The following LINGO2 variants were observed in gnomAD, a reference collection of about 807,000 sequenced individuals.
LINGO2 encodes leucine-rich repeat and immunoglobulin-like domain-containing nogo receptor-interacting protein 2.
LINGO2 carries 14 observed loss-of-function variants against 30.6 expected under a neutral mutation model. The observed-to-expected ratio is 0.46, with a 90% CI of 0.30 to 0.72. The LOEUF is 0.72. Among genes scored for constraint, LINGO2 ranks in the 30% least tolerant of loss-of-function variants. The probability of loss-of-function intolerance (pLI) is 0.07; values close to 1 mark genes in which losing one functional copy is unlikely to be tolerated. For synonymous variants in LINGO2, 317 were observed against 288.5 expected, an observed-to-expected ratio of 1.10 and a Z score of -1.00; for missense variants, 729 against 751.7, an observed-to-expected ratio of 0.97 and a Z score of 0.35.
the LINGO2 span, among the ~76,000 whole-genome samples, chr9:29,061,886 G>T: frequency 0.16 from 24,128 of 151,892 alleles, 2,109 homozygotes; most frequent in South Asian, 0.2. Flanking sequence ...GAATGAAAAG[G>T]TAACCAAAGA....
chr9:27,952,665 T>C (rs1033938231), intron 5 of LINGO2, among the ~76,000 whole-genome samples: 4 of 152,090 alleles, frequency 2.6e-5, no homozygotes, highest in African/African-American at 4.8e-5. Context: ...GGCGGCATTT[T>C]AAATCAGTGA....
chr9:28,057,504 T>C (rs1193797075), intron 4 of LINGO2, among the ~76,000 whole-genome samples: 1 of 150,266 alleles, frequency 6.7e-6, no homozygotes, highest in African/African-American at 2.4e-5. Context: ...CAGTTGTGAA[T>C]GTATGCATAT....
chr9:28,715,784 TGAA>T, the LINGO2 span, among the ~76,000 whole-genome samples: 1 of 152,172 alleles, frequency 6.6e-6, no homozygotes, highest in African/African-American at 2.4e-5. Context: ...TGGCAGGAGT[TGAA>T]GAATAACTTA....
At chr9:29,088,759 T>C in the LINGO2 span, among the ~76,000 whole-genome samples, 1 of 151,916 alleles carries the variant, frequency 6.6e-6, no homozygotes, top group Non-Finnish European at 1.5e-5. Flanking sequence ...TGCATTTATC[T>C]GAAAAAATTA....
intron 2 of LINGO2, among the ~76,000 whole-genome samples, chr9:28,384,392 T>C (rs1255498148): frequency 6.6e-6 from 1 of 150,560 alleles, no homozygotes; most frequent in Non-Finnish European, 1.5e-5. Flanking sequence ...AAGGTAATAA[T>C]GTTGTATGTA....
upstream of LINGO2, among the ~76,000 whole-genome samples, chr9:28,672,455 T>G (rs1588053876): frequency 6.6e-6 from 1 of 152,188 alleles, no homozygotes; most frequent in East Asian, 1.9e-4. Flanking sequence ...CACTTTCATA[T>G]GCATATCTCA....
intron 1 of LINGO2, among the ~76,000 whole-genome samples, chr9:28,531,805 C>G (rs556125210): frequency 6.6e-6 from 1 of 152,060 alleles, no homozygotes; most frequent in Non-Finnish European, 1.5e-5. Context: ...TAGTTCAGAT[C>G]CTCAAGGGTG....
the LINGO2 span, among the ~76,000 whole-genome samples, chr9:29,179,329 T>C: frequency 6.6e-6 from 1 of 151,476 alleles, no homozygotes; most frequent in African/African-American, 2.4e-5. Context: ...AAAAACACAG[T>C]TGCATTCTCA....
the LINGO2 span, among the ~76,000 whole-genome samples, chr9:29,063,002 A>G: frequency 1.3e-5 from 2 of 152,144 alleles, no homozygotes; most frequent in Non-Finnish European, 2.9e-5. Context: ...GACATCCTAT[A>G]TATCTAGAAG....
chr9:28,886,903 G>A, the LINGO2 span, among the ~76,000 whole-genome samples: 129,551 of 152,102 alleles, frequency 0.85, 55,346 homozygotes, highest in Non-Finnish European at 0.89. Flanking sequence ...AGAAATAGTA[G>A]TTAGAGCTTC....
chr9:29,145,284 G>A, the LINGO2 span, among the ~76,000 whole-genome samples: 1 of 152,048 alleles, frequency 6.6e-6, no homozygotes, highest in East Asian at 1.9e-4. Context: ...AAGTCCATCT[G>A]GCCAATTATA....
At chr9:28,506,357 T>C (rs1820108941) in intron 1 of LINGO2, among the ~76,000 whole-genome samples, 2 of 147,104 alleles carry the variant, frequency 1.4e-5, no homozygotes, top group South Asian at 2.2e-4. Context: ...CATCCTAAGA[T>C]TGCAAAGAAG....
At chr9:28,390,574 G>GA (rs74180802) in intron 2 of LINGO2, among the ~76,000 whole-genome samples, 76,172 of 145,086 alleles carry the variant, frequency 0.53, 20,411 homozygotes, top group East Asian at 0.66. Context: ...ATACATAAAT[G>GA]AAAAAAAAAA....
chr9:28,973,429 C>A, the LINGO2 span, among the ~76,000 whole-genome samples: 1 of 152,002 alleles, frequency 6.6e-6, no homozygotes, highest in Non-Finnish European at 1.5e-5. Context: ...TGTAATAATC[C>A]CCACATGTCA....
the LINGO2 span, among the ~76,000 whole-genome samples, chr9:29,052,037 C>A: frequency 6.6e-6 from 1 of 152,120 alleles, no homozygotes; most frequent in African/African-American, 2.4e-5. Context: ...TGATGTTTGA[C>A]AAACCTCAAC....
intron 5 of LINGO2, among the ~76,000 whole-genome samples, chr9:28,005,810 G>C (rs1191624869): frequency 6.7e-6 from 1 of 149,160 alleles, no homozygotes; most frequent in Non-Finnish European, 1.5e-5. Flanking sequence ...AGACAGAGCA[G>C]AGGAGAAACA....
At chr9:28,577,016 C>A (rs1259660110) in intron 1 of LINGO2, among the ~76,000 whole-genome samples, 1 of 152,090 alleles carries the variant, frequency 6.6e-6, no homozygotes, top group Non-Finnish European at 1.5e-5. Context: ...GCCTTTAACC[C>A]CCAAACTGCC....
the LINGO2 span, among the ~76,000 whole-genome samples, chr9:28,848,931 G>C: frequency 6.6e-6 from 1 of 151,852 alleles, no homozygotes; most frequent in Non-Finnish European, 1.5e-5. Flanking sequence ...ATTAGCACAG[G>C]GGTCCTTTGA....
At chr9:28,379,164 A>C (rs1821241191) in intron 2 of LINGO2, among the ~76,000 whole-genome samples, 1 of 152,094 alleles carries the variant, frequency 6.6e-6, no homozygotes, top group South Asian at 2.1e-4. Flanking sequence ...AATGCCATAA[A>C]GTCTTTCATA....
Sources: allele counts gnomAD v4.1 joint callset (sites outside exome capture counted in the v4.1 genomes callset), GRCh38; gene constraint gnomAD v4.1.1; transcripts MANE v1.5; gene names NCBI Gene and HGNC (gene_info 2026-07-23, HGNC 2026-07-21).